The following NSD2 variants were observed in gnomAD, a reference collection of about 807,000 sequenced individuals.
NSD2 encodes nuclear receptor binding SET domain protein 2, also known as histone-lysine N-methyltransferase NSD2.
In NSD2, 12 loss-of-function variants were observed where a neutral mutation model predicts 139.0. The observed-to-expected ratio is 0.09, with a 90% CI of 0.06 to 0.14. The LOEUF (loss-of-function observed/expected upper bound fraction) is 0.14, where lower values mean the gene tolerates loss of function less well. Among genes scored for constraint, NSD2 ranks in the 10% least tolerant of loss-of-function variants. The pLI, the probability that NSD2 is intolerant of heterozygous loss-of-function variation, is 1.00. For missense variants in NSD2, 1,155 were observed against 1,745.0 expected (o/e 0.66, Z 6.02); for synonymous variants, 669 against 648.7 (o/e 1.03, Z -0.48).
chr4:1,936,193 A>C (rs906435308), intron 7 of NSD2, among the ~76,000 whole-genome samples: 6 of 152,194 alleles, frequency 3.9e-5, no homozygotes, highest in Non-Finnish European at 5.9e-5. Flanking sequence ...GAGTGAAACC[A>C]ACCAAGGAAA....
At chr4:1,923,448 G>A (rs1202831730) in intron 5 of NSD2, among the ~76,000 whole-genome samples, 2 of 152,160 alleles carry the variant, frequency 1.3e-5, no homozygotes, top group Non-Finnish European at 2.9e-5. Context: ...GTAAGTGCAT[G>A]AAGAGATGCT....
At chr4:1,932,965 C>G (rs902067898) in intron 6 of NSD2, among the ~76,000 whole-genome samples, 1 of 152,182 alleles carries the variant, frequency 6.6e-6, no homozygotes, top group Non-Finnish European at 1.5e-5. Context: ...AGGGGGGCCT[C>G]GAGAGTTTGG....
intron 18 of NSD2, among the ~76,000 whole-genome samples, chr4:1,964,616 CAA>C (rs936357970): frequency 6.6e-6 from 1 of 152,074 alleles, no homozygotes; most frequent in African/African-American, 2.4e-5. Flanking sequence ...GAGGTGCAGA[CAA>C]AGAGGTGCGC....
In NSD2 at chr4:1,958,083, G is replaced by A. The variant is rs772250372; in HGVS notation, c.2985+47G>A. The A allele has an allele frequency of 2.8e-5, 44 of 1,581,734 alleles. No homozygotes were observed. The highest frequency in any genetic ancestry group is 3.5e-5 in the Non-Finnish European group (41 of 1,156,354). On this transcript the variant is annotated intron_variant, in intron 16 of 21. Transcript: ENST00000508803. This position sits in a 1 kb window ranked among gnomAD's most constrained non-coding sequence, Gnocchi z 4.6. ...CACGCGTGTGGAGGGAGTCTTCCCCGAGGGCCGTGAGAGGTTCTTAGGCAC... is the reference window on the plus strand; with the variant it reads ...CACGCGTGTGGAGGGAGTCTTCCCCAAGGGCCGTGAGAGGTTCTTAGGCAC...
At chr4:1,928,791 T>G (rs150048231) in intron 5 of NSD2, among the ~76,000 whole-genome samples, 1 of 151,840 alleles carries the variant, frequency 6.6e-6, no homozygotes, top group Non-Finnish European at 1.5e-5. Flanking sequence ...GTGCTGTGTT[T>G]GAGGAGGTGA....
chr4:1,980,962 G>T lies in NSD2; in HGVS notation c.*2053G>T, dbSNP rs746245778. 1 of 233,264 alleles carries T rather than the reference G, an allele frequency of 4.3e-6. No individual in the cohort carries two copies. Among genetic ancestry groups the T allele is most frequent in the Non-Finnish European group, 8.5e-6 (1 of 118,040 alleles). The allele number at this position is 233,264 out of a possible 1,614,324, so 14.4% of individuals were successfully genotyped here. ...TCCCCACACACACCTTAGAGTCGAA[G>T]GCCCCAGGGCCCCGCTGTCACTTGC... On this transcript the variant is annotated 3_prime_UTR_variant, in exon 22 of 22. Transcript: ENST00000508803.
chr4:1,925,389 CTTTTTTTTTTTTTTTT>C (rs34335852), intron 5 of NSD2, among the ~76,000 whole-genome samples: 8 of 37,998 alleles, frequency 2.1e-4, no homozygotes, highest in South Asian at 3.9e-3. Context: ...CTTTTTCTTT[CTTTTTTTTTTTTTTTT>C]TTTTTTTTTT....
chr4:1,896,876 G>A (rs1716416135), intron 1 of NSD2, among the ~76,000 whole-genome samples: 1 of 148,158 alleles, frequency 6.7e-6, no homozygotes, highest in South Asian at 2.1e-4. Flanking sequence ...CCCAACATAA[G>A]AAAGATAGTT....
intron 5 of NSD2, among the ~76,000 whole-genome samples, chr4:1,921,781 CAAAA>C (rs748895885): frequency 6.2e-5 from 4 of 64,976 alleles, no homozygotes; most frequent in African/African-American, 1.6e-4. Context: ...GACTCTGTCT[CAAAA>C]AAAAAAAAAA....
At chr4:1,921,590 T>C (rs1720129697) in intron 5 of NSD2, among the ~76,000 whole-genome samples, 1 of 152,054 alleles carries the variant, frequency 6.6e-6, no homozygotes, top group Admixed American at 6.6e-5. Context: ...GAGACCAGCA[T>C]GGCCAACATG....
At chr4:1,922,812 G>C (rs1245753830) in intron 5 of NSD2, among the ~76,000 whole-genome samples, 2 of 152,230 alleles carry the variant, frequency 1.3e-5, no homozygotes, top group East Asian at 1.9e-4. Context: ...TGTAATCCCA[G>C]CTACTCGGGA....
chr4:1,904,176 T>C (rs1189609576), intron 2 of NSD2, 40 bp from the exon 3 acceptor site: 7 of 1,597,564 alleles, frequency 4.4e-6, no homozygotes, highest in Non-Finnish European at 5.1e-6. Flanking sequence ...CAGGTAGTGA[T>C]TGGATGTGTT....
intron 21 of NSD2, among the ~76,000 whole-genome samples, chr4:1,977,335 G>A (rs1015921699): frequency 2.6e-5 from 4 of 152,226 alleles, no homozygotes; most frequent in Non-Finnish European, 4.4e-5. Flanking sequence ...GAAATGGGTC[G>A]TGAGATGACT....
At chr4:1,911,616 A>AAAAAAAG (rs1718702844) in intron 3 of NSD2, among the ~76,000 whole-genome samples, 1 of 150,846 alleles carries the variant, frequency 6.6e-6, no homozygotes, top group Non-Finnish European at 1.5e-5. Context: ...AAGAAAAAAA[A>AAAAAAAG]AAAGAAAGAA....
At chr4:1,895,390 A>G (rs138389264) in intron 1 of NSD2, among the ~76,000 whole-genome samples, 3 of 152,326 alleles carry the variant, frequency 2.0e-5, no homozygotes, top group African/African-American at 7.2e-5. Flanking sequence ...AACATTCATG[A>G]ATGTTATGTC....
intron 1 of NSD2, chr4:1,899,317 G>T (rs993795157): frequency 1.6e-4 from 25 of 152,276 alleles, no homozygotes; most frequent in Non-Finnish European, 3.1e-4. Context: ...TGGACATCTC[G>T]GGCCGCATAG....
chr4:1,946,328 C>T, intron 9 of NSD2: 1 of 666,192 alleles, frequency 1.5e-6, no homozygotes, highest in Non-Finnish European at 1.9e-6. Context: ...CAGTAAGTGG[C>T]ACAATCTCGG....
At chr4:1,908,013 G>A (rs536022141) in intron 3 of NSD2, among the ~76,000 whole-genome samples, 1 of 152,166 alleles carries the variant, frequency 6.6e-6, no homozygotes, top group Non-Finnish European at 1.5e-5. Context: ...GCCGCATTTC[G>A]GGAAACATCA....
chr4:1,978,591 C>A, intron 21 of NSD2, 47 bp from the exon 22 acceptor site: 1 of 1,557,754 alleles, frequency 6.4e-7, no homozygotes. Flanking sequence ...ATGTTGAAGT[C>A]GTGATTCCAT....
Sources: allele counts gnomAD v4.1 joint callset (sites outside exome capture counted in the v4.1 genomes callset), GRCh38; gene constraint gnomAD v4.1.1; non-coding constraint Gnocchi (gnomAD v3.1); transcripts MANE v1.5; gene names NCBI Gene and HGNC (gene_info 2026-07-23, HGNC 2026-07-21).